Variants in OPCML observed in about 807,000 individuals in gnomAD.
The protein encoded by OPCML is opioid binding protein/cell adhesion molecule like.
OPCML carries 13 observed loss-of-function variants against 37.8 expected under a neutral mutation model. That is an observed-to-expected ratio of 0.34 (90% confidence interval 0.22 to 0.55). OPCML has a LOEUF of 0.55. OPCML is among the 20% of genes least tolerant of loss of function. OPCML has a pLI of 0.91. For synonymous variants in OPCML, 176 were observed against 168.8 expected, an observed-to-expected ratio of 1.04 and a Z score of -0.33; for missense variants, 341 against 435.6, an observed-to-expected ratio of 0.78 and a Z score of 1.93.
At chr11:133,282,183 G>A (rs1201016827) in intron 1 of OPCML, among the ~76,000 whole-genome samples, 6 of 152,150 alleles carry the variant, frequency 3.9e-5, no homozygotes, top group Admixed American at 6.5e-5. Context: ...AAGGCATTTC[G>A]AAAGTCTTTG....
At chr11:132,467,702 A>T (rs1278204032) in intron 4 of OPCML, among the ~76,000 whole-genome samples, 1 of 152,214 alleles carries the variant, frequency 6.6e-6, no homozygotes, top group Non-Finnish European at 1.5e-5. Context: ...CCAAGGCAGC[A>T]CTGTGAGAAA....
intron 1 of OPCML, among the ~76,000 whole-genome samples, chr11:133,465,697 C>T (rs1236639013): frequency 6.6e-6 from 1 of 152,104 alleles, no homozygotes; most frequent in African/African-American, 2.4e-5. Flanking sequence ...AAGCTCAACT[C>T]CCAGTTCCTC....
At chr11:132,812,826 G>A (rs1939422691) in intron 2 of OPCML, among the ~76,000 whole-genome samples, 1 of 152,194 alleles carries the variant, frequency 6.6e-6, no homozygotes, top group Admixed American at 6.5e-5. Context: ...GCAGGAGCCT[G>A]CTTTTACTAG....
chr11:133,068,379 C>A (rs1948472585), intron 1 of OPCML, among the ~76,000 whole-genome samples: 1 of 152,214 alleles, frequency 6.6e-6, no homozygotes, highest in African/African-American at 2.4e-5. Flanking sequence ...TGGGAGATTT[C>A]TGCCAGCAGA....
At chr11:132,991,761 ATGTGGCCACCCCAAGGT>A (rs1251260856) in intron 1 of OPCML, among the ~76,000 whole-genome samples, 1 of 152,180 alleles carries the variant, frequency 6.6e-6, no homozygotes, top group East Asian at 1.9e-4. Flanking sequence ...TGGGTGGGAA[ATGTGGCCACCCCAAGGT>A]TGATTCCCGA....
chr11:133,418,801 A>G (rs972587336), intron 1 of OPCML, among the ~76,000 whole-genome samples: 1 of 152,194 alleles, frequency 6.6e-6, no homozygotes, highest in African/African-American at 2.4e-5. Flanking sequence ...GTAGGTCATA[A>G]GATTTGTAAC....
intron 1 of OPCML, among the ~76,000 whole-genome samples, chr11:133,357,514 A>G (rs1485733362): frequency 6.6e-6 from 1 of 152,218 alleles, no homozygotes; most frequent in Admixed American, 6.5e-5. Context: ...ACACTGCTGA[A>G]TTTGCTACCA....
At chr11:133,350,848 C>T (rs1399625575) in intron 1 of OPCML, among the ~76,000 whole-genome samples, 6 of 152,162 alleles carry the variant, frequency 3.9e-5, no homozygotes, top group Non-Finnish European at 8.8e-5. Flanking sequence ...ACATTTCCAA[C>T]ATATGATCAA....
At chr11:133,353,992 ATT>A (rs11336407) in intron 1 of OPCML, among the ~76,000 whole-genome samples, 1 of 151,568 alleles carries the variant, frequency 6.6e-6, no homozygotes, top group Non-Finnish European at 1.5e-5. Flanking sequence ...CTTTTCCCAC[ATT>A]TTTTTTGCCT....
chr11:132,677,699 C>T (rs1449950172), intron 2 of OPCML, among the ~76,000 whole-genome samples: 1 of 151,754 alleles, frequency 6.6e-6, no homozygotes, highest in African/African-American at 2.4e-5. Flanking sequence ...TTGATGTCCA[C>T]ATGAAAAAGA....
chr11:133,511,700 AC>A (rs1442591180), intron 1 of OPCML, among the ~76,000 whole-genome samples: 4 of 150,110 alleles, frequency 2.7e-5, no homozygotes, highest in Admixed American at 6.6e-5. Context: ...AGCCTGATGT[AC>A]TTTTTTTTTT....
At chr11:132,556,929 T>C (rs562869197) in intron 3 of OPCML, among the ~76,000 whole-genome samples, 3 of 152,334 alleles carry the variant, frequency 2.0e-5, no homozygotes, top group East Asian at 3.9e-4. Context: ...TTTTATCATT[T>C]TGAAACCCAT....
At chr11:132,615,852 T>C (rs1017140373) in intron 3 of OPCML, among the ~76,000 whole-genome samples, 1 of 152,022 alleles carries the variant, frequency 6.6e-6, no homozygotes, top group African/African-American at 2.4e-5. Flanking sequence ...ATAGGCAAAG[T>C]ATATGTTTTA....
At chr11:132,791,121 T>C (rs1259685389) in intron 2 of OPCML, among the ~76,000 whole-genome samples, 1 of 152,130 alleles carries the variant, frequency 6.6e-6, no homozygotes, top group Non-Finnish European at 1.5e-5. Flanking sequence ...GCCTGTGTGG[T>C]CTACAGAGCT....
intron 1 of OPCML, among the ~76,000 whole-genome samples, chr11:132,990,971 C>G (rs1052679443): frequency 6.6e-6 from 1 of 152,140 alleles, no homozygotes; most frequent in Non-Finnish European, 1.5e-5. Context: ...TGCCTTTTCT[C>G]CTAAGGCCAT....
At chr11:133,030,389 AC>A (rs892344127) in intron 1 of OPCML, among the ~76,000 whole-genome samples, 1 of 152,074 alleles carries the variant, frequency 6.6e-6, no homozygotes. Context: ...GTAGAACTTA[AC>A]CCTGAAAGGT....
intron 1 of OPCML, chr11:133,008,410 G>A (rs960102586): frequency 9.1e-6 from 9 of 985,246 alleles, no homozygotes; most frequent in African/African-American, 1.7e-5. Flanking sequence ...GTGCTCAGGA[G>A]GTCCTTTTCT....
intron 4 of OPCML, among the ~76,000 whole-genome samples, chr11:132,517,804 G>A (rs558058714): frequency 6.6e-6 from 1 of 152,186 alleles, no homozygotes; most frequent in South Asian, 2.1e-4. Context: ...AATGTAGAAA[G>A]TATTCAGAAT....
chr11:133,221,465 G>T (rs1232665445), intron 1 of OPCML, among the ~76,000 whole-genome samples: 1 of 152,198 alleles, frequency 6.6e-6, no homozygotes, highest in Non-Finnish European at 1.5e-5. Context: ...GTTGTTTAAG[G>T]TGTCAATTTG....
Sources: allele counts gnomAD v4.1 joint callset (sites outside exome capture counted in the v4.1 genomes callset), GRCh38; gene constraint gnomAD v4.1.1; transcripts MANE v1.5; gene names NCBI Gene and HGNC (gene_info 2026-07-23, HGNC 2026-07-21).